The following XPO5 variants were observed in gnomAD, a reference collection of about 807,000 sequenced individuals.
XPO5 encodes exportin 5.
XPO5 carries 46 observed loss-of-function variants against 160.6 expected under a neutral mutation model. The observed-to-expected ratio is 0.29, with a 90% CI of 0.23 to 0.37. XPO5 has a LOEUF of 0.37. Among genes scored for constraint, XPO5 ranks in the 10% least tolerant of loss-of-function variants. XPO5 has a pLI of 1.00. For missense variants in XPO5, 1,090 were observed against 1,463.9 expected, an observed-to-expected ratio of 0.74 and a Z score of 4.17; for synonymous variants, 537 against 519.3, an observed-to-expected ratio of 1.03 and a Z score of -0.46.
In XPO5 at chr6:43,546,589, T is replaced by C. The variant is rs776524863; in HGVS notation, c.2324A>G (p.Asn775Ser). ...GACTCACCTTATAAGCGCAAGCAAATTGTCAAGAAGTTTCAGAATCTGCTC... is the reference window on the plus strand; with the variant it reads ...GACTCACCTTATAAGCGCAAGCAAACTGTCAAGAAGTTTCAGAATCTGCTC... ...CTEQILKLLD[N>S]LLALIRTHNT... The change falls in exon 20 of 32, where the codon AAT becomes AGT. Residue 775 changes from asparagine (N) to serine (S), a missense_variant. Coordinates refer to ENST00000265351, the MANE Select transcript of XPO5 (RefSeq NM_020750.3). 3 of 1,609,110 alleles carry C rather than the reference T, an allele frequency of 1.9e-6. No homozygotes were observed. In the Admixed American group the frequency reaches 5.1e-5, roughly 27 times the overall value.
intron 13 of XPO5, among the ~76,000 whole-genome samples, chr6:43,554,534 C>T (rs1014295618): frequency 1.3e-5 from 2 of 151,738 alleles, no homozygotes; most frequent in South Asian, 2.1e-4. Flanking sequence ...AAGTGATTCT[C>T]CTGCCTCAGC....
intron 20 of XPO5, among the ~76,000 whole-genome samples, chr6:43,536,915 A>G (rs1794370245): frequency 6.6e-6 from 1 of 152,046 alleles, no homozygotes; most frequent in African/African-American, 2.4e-5. Context: ...TCGACAACTC[A>G]ACTCTGCATA....
intron 19 of XPO5, chr6:43,547,166 A>G: frequency 2.9e-6 from 1 of 347,206 alleles, no homozygotes; most frequent in Non-Finnish European, 5.4e-6. Flanking sequence ...TCAACCTACT[A>G]CTTGCCAGGT....
At position 43,549,803 on chromosome 6, in the gene XPO5, C is replaced by A; in HGVS notation, c.1770+90G>T. On this transcript the variant is annotated intron_variant, in intron 16 of 31. Transcript: ENST00000265351. ...AATCTACCACCCTTACTACCCCCTC[C>A]CATTTATATAAAAATATAAACTGAG... 4.3e-6 allele frequency: 6 copies of A among 1,380,108 alleles called. No individual in the cohort carries two copies. The South Asian group carries it at 7.6e-5, about 18-fold the overall frequency. The allele number at this position is 1,380,108 out of a possible 1,614,324, so 85.5% of individuals were successfully genotyped here.
intron 19 of XPO5, 122 bp from the exon 20 acceptor site, chr6:43,546,874 C>G: frequency 1.0e-6 from 1 of 972,376 alleles, no homozygotes. Flanking sequence ...ATGAAATAAT[C>G]CTCTGCTCCC....
intron 5 of XPO5, 56 bp downstream of exon 5, chr6:43,570,446 A>G (rs1762957015): frequency 6.6e-7 from 1 of 1,513,536 alleles, no homozygotes; most frequent in African/African-American, 1.4e-5. Flanking sequence ...CTGTAAGATT[A>G]ATCAAAAACA....
At chr6:43,546,061 A>C (rs1425671503) in intron 20 of XPO5, among the ~76,000 whole-genome samples, 1 of 152,196 alleles carries the variant, frequency 6.6e-6, no homozygotes, top group African/African-American at 2.4e-5. Context: ...CAGCTTTGAG[A>C]ACCAAGGATC....
chr6:43,553,548 C>T, intron 13 of XPO5, 45 bp from the exon 14 acceptor site: 2 of 1,512,192 alleles, frequency 1.3e-6, no homozygotes, highest in South Asian at 1.3e-5. Flanking sequence ...CACACACACA[C>T]AATTATCAGC....
chr6:43,565,788 C>A, intron 7 of XPO5, 52 bp from the exon 8 acceptor site: 1 of 1,356,620 alleles, frequency 7.4e-7, no homozygotes, highest in South Asian at 1.3e-5. Flanking sequence ...TTCAAAGTAC[C>A]GACATCTTCT....
chr6:43,538,943 T>C (rs1157549854), intron 20 of XPO5: 7 of 1,333,226 alleles, frequency 5.3e-6, no homozygotes, highest in Non-Finnish European at 7.4e-6. Flanking sequence ...CTTCCAGAGG[T>C]CGGGGGTCAG....
intron 20 of XPO5, chr6:43,538,825 T>G: frequency 8.9e-7 from 1 of 1,117,326 alleles, no homozygotes; most frequent in Non-Finnish European, 1.3e-6. Flanking sequence ...AAAAACCCTA[T>G]GTTGTAGCCA....
In XPO5 at chr6:43,524,452, T is replaced by C. The variant is rs368737593; in HGVS notation, c.3477+19A>G. The C allele has an allele frequency of 6.6e-5, 107 of 1,611,224 alleles. No homozygotes were observed. The highest frequency in any genetic ancestry group is 6.0e-4 in the African/African-American group (45 of 74,844). ...TTTAAGAAGGGGGTTGGGAGCACTA[T>C]TGAAGGTGCATGACCTACCCCAATG... On this transcript the variant is annotated intron_variant, in intron 31 of 31. Coordinates refer to ENST00000265351, the MANE Select transcript of XPO5 (RefSeq NM_020750.3).
chr6:43,531,001 C>T (rs1441223914), intron 22 of XPO5, among the ~76,000 whole-genome samples, 177 bp from the exon 23 acceptor site: 2 of 152,138 alleles, frequency 1.3e-5, no homozygotes, highest in African/African-American at 2.4e-5. Flanking sequence ...TGTTGGTGGC[C>T]GAGATCAGCA....
rs1005521841 is a variant in XPO5, at chr6:43,539,343, G to A, written c.2343-5336C>T. ...GCAACAAACGCCTTGAACCTGGTGC[G>A]CTGGCCAGCACGGGTCTGCTTCTGC... On this transcript the variant is annotated intron_variant, in intron 20 of 31. Transcript: ENST00000265351. The A allele has an allele frequency of 2.0e-5, 31 of 1,578,204 alleles. No homozygotes were observed. In the East Asian group the frequency reaches 5.6e-4, roughly 29 times the overall value.
intron 9 of XPO5, chr6:43,562,033 G>A (rs776048432): frequency 7.4e-6 from 3 of 405,800 alleles, no homozygotes; most frequent in East Asian, 7.9e-5. Flanking sequence ...GATATCTGAC[G>A]TTGGTATAAC....
At chr6:43,537,724 AG>A (rs901326542) in intron 20 of XPO5, among the ~76,000 whole-genome samples, 1 of 152,190 alleles carries the variant, frequency 6.6e-6, no homozygotes, top group Non-Finnish European at 1.5e-5. Flanking sequence ...AAATTTCACC[AG>A]GGGAAACTCT....
At chr6:43,568,796 T>C in intron 5 of XPO5, 59 bp from the exon 6 acceptor site, 1 of 1,428,296 alleles carries the variant, frequency 7.0e-7, no homozygotes, top group Non-Finnish European at 9.5e-7. Context: ...ATAATAACTT[T>C]CTACCCCCCA....
rs562340593 is a variant in XPO5 at position 43,524,977 on chromosome 6, A to G, written c.3175-9T>C. ...AGTGTCCCTGACAGCACCTGGGGAG[A>G]CAACTGTGCTTTAGGGCCACAGGGG... On this transcript the variant is annotated splice_polypyrimidine_tract_variant and intron_variant, in intron 29 of 31. Coordinates refer to ENST00000265351, the MANE Select transcript of XPO5 (RefSeq NM_020750.3). 1 of 1,612,396 alleles carries G rather than the reference A, an allele frequency of 6.2e-7. No individual in the cohort carries two copies. Among genetic ancestry groups the G allele is most frequent in the South Asian group, 1.1e-5 (1 of 90,884 alleles).
intron 20 of XPO5, among the ~76,000 whole-genome samples, chr6:43,540,128 G>A (rs763960921): frequency 4.6e-5 from 7 of 151,924 alleles, no homozygotes; most frequent in Non-Finnish European, 8.8e-5. Flanking sequence ...GGTGGCGCAC[G>A]CCTGTAACCC....
Sources: gnomAD v4.1 joint callset for allele counts (sites outside exome capture counted in the v4.1 genomes callset) on GRCh38, gnomAD v4.1.1 for gene constraint, MANE v1.5 for transcripts, NCBI Gene and HGNC (gene_info 2026-07-23, HGNC 2026-07-21) for gene names.